Variants in ADAMTSL1 observed in about 807,000 individuals in gnomAD.
ADAMTSL1 encodes ADAMTS-like protein 1.
A neutral mutation model predicts 201.8 loss-of-function variants in ADAMTSL1; 126 were observed. The ratio of observed to expected loss-of-function variants is 0.62; its 90% confidence interval spans 0.54 to 0.72. The LOEUF is 0.72. ADAMTSL1 is among the 30% of genes least tolerant of loss of function. The probability of loss-of-function intolerance (pLI) is 0.00; values close to 1 mark genes in which losing one functional copy is unlikely to be tolerated. For missense variants in ADAMTSL1, 2,679 were observed against 2,277.8 expected, an observed-to-expected ratio of 1.18 and a Z score of -3.59; for synonymous variants, 1,121 against 903.4, an observed-to-expected ratio of 1.24 and a Z score of -4.32.
chr9:18,440,500 T>C (rs1167696435), intron 2 of ADAMTSL1, among the ~76,000 whole-genome samples: 1 of 151,808 alleles, frequency 6.6e-6, no homozygotes, highest in African/African-American at 2.4e-5. Context: ...ATGCTGTAAT[T>C]GGCCTAACAG....
chr9:18,548,837 G>A lies in ADAMTSL1; in HGVS notation c.237+15545G>A, dbSNP rs150650793. 1.2e-4 allele frequency among the ~76,000 whole-genome samples: 19 copies of A among 152,030 alleles called. No homozygotes were observed. In the East Asian group the frequency reaches 3.3e-3, roughly 26 times the overall value. Reference sequence around the variant, plus strand: ...GAAGAAAATAAATTATTAGAAATTTGCAATTCAAAAATCTAGTAATTGAAA... The same window carrying A: ...GAAGAAAATAAATTATTAGAAATTTACAATTCAAAAATCTAGTAATTGAAA... On this transcript the variant is annotated intron_variant, in intron 3 of 28. Transcript: ENST00000380548.
At chr9:17,950,085 A>AT (rs1197787169) in intron 1 of ADAMTSL1, among the ~76,000 whole-genome samples, 1 of 151,858 alleles carries the variant, frequency 6.6e-6, no homozygotes, top group Admixed American at 6.6e-5. Flanking sequence ...CTGCCAGCTT[A>AT]TTTTTTGTAT....
At chr9:18,018,112 A>G (rs1254734541) in intron 1 of ADAMTSL1, among the ~76,000 whole-genome samples, 1 of 152,104 alleles carries the variant, frequency 6.6e-6, no homozygotes, top group Non-Finnish European at 1.5e-5. Context: ...AGAAAAATAT[A>G]CAACAGAGAT....
Position 18,496,406 on chromosome 9 carries a change from G to A in ADAMTSL1, c.64-8423G>A, listed in dbSNP as rs529263342. ...ATCTGGATGGTATTTAAGAGAGAAC[G>A]CATCCAATCATGAGTATAGGAATAG... On this transcript the variant is annotated intron_variant, in intron 1 of 28. Transcript: ENST00000380548. Among the ~76,000 whole-genome samples the A allele has an allele frequency of 2.0e-3, 298 of 152,286 alleles. 2 individuals carry two copies. The highest frequency in any genetic ancestry group is 6.7e-3 in the African/African-American group (279 of 41,558).
chr9:18,775,558 G>C (rs1376377976), intron 17 of ADAMTSL1, among the ~76,000 whole-genome samples, 185 bp from the exon 18 acceptor site: 3 of 152,298 alleles, frequency 2.0e-5, no homozygotes, highest in Non-Finnish European at 2.9e-5. Context: ...GAAAATCTTA[G>C]AGTGCAAAAT....
At chr9:18,647,868 T>C (rs1827923221) in intron 7 of ADAMTSL1, among the ~76,000 whole-genome samples, 1 of 151,330 alleles carries the variant, frequency 6.6e-6, no homozygotes, top group Non-Finnish European at 1.5e-5. Flanking sequence ...ATTCTGTTGA[T>C]TTGGGGTGGA....
chr9:18,172,984 A>G (rs1226619979), intron 2 of ADAMTSL1, among the ~76,000 whole-genome samples: 1 of 152,154 alleles, frequency 6.6e-6, no homozygotes, highest in Non-Finnish European at 1.5e-5. Context: ...CTCTTTAGGC[A>G]GAGGAGGACA....
At chr9:18,256,688 G>A (rs990356897) in intron 2 of ADAMTSL1, among the ~76,000 whole-genome samples, 10 of 152,178 alleles carry the variant, frequency 6.6e-5, no homozygotes, top group African/African-American at 2.2e-4. Context: ...ACTAGCCTCA[G>A]GAAGTTTTGC....
At chr9:18,650,182 G>A (rs1425471737) in intron 7 of ADAMTSL1, among the ~76,000 whole-genome samples, 2 of 152,190 alleles carry the variant, frequency 1.3e-5, no homozygotes, top group African/African-American at 4.8e-5. Flanking sequence ...CGTGGGCGTG[G>A]GACCCTCTGA....
At chr9:18,715,689 C>A (rs1401457276) in intron 14 of ADAMTSL1, among the ~76,000 whole-genome samples, 1 of 151,954 alleles carries the variant, frequency 6.6e-6, no homozygotes, top group Non-Finnish European at 1.5e-5. Context: ...TCAATGCCAT[C>A]CCCATCAAGC....
At chr9:18,271,335 C>A (rs1388180621) in intron 2 of ADAMTSL1, among the ~76,000 whole-genome samples, 2 of 152,050 alleles carry the variant, frequency 1.3e-5, no homozygotes, top group Admixed American at 6.6e-5. Context: ...TCCCCACTCC[C>A]CCCACCCCAC....
chr9:18,022,126 C>A (rs571542834), intron 1 of ADAMTSL1, among the ~76,000 whole-genome samples: 1 of 152,212 alleles, frequency 6.6e-6, no homozygotes, highest in South Asian at 2.1e-4. Flanking sequence ...AAACCACCCA[C>A]CTTGCACTGA....
chr9:18,598,051 CTT>C (rs2132518855), intron 4 of ADAMTSL1, among the ~76,000 whole-genome samples: 1 of 152,216 alleles, frequency 6.6e-6, no homozygotes, highest in Admixed American at 6.5e-5. Flanking sequence ...CAAGAGAACA[CTT>C]AAGATTCTGA....
chr9:18,098,426 T>C (rs1824349506), intron 1 of ADAMTSL1, among the ~76,000 whole-genome samples: 1 of 152,098 alleles, frequency 6.6e-6, no homozygotes, highest in Non-Finnish European at 1.5e-5. Flanking sequence ...CTTTGCATTG[T>C]TTTGTAGTAT....
chr9:18,730,067 C>G (rs1818122675), intron 15 of ADAMTSL1, among the ~76,000 whole-genome samples: 1 of 151,884 alleles, frequency 6.6e-6, no homozygotes, highest in African/African-American at 2.4e-5. Context: ...TCCTTACAAT[C>G]TAGTGTTTCC....
Position 18,780,927 on chromosome 9 carries a change from G to A in ADAMTSL1, c.3677+3021G>A, listed in dbSNP as rs200530351. On this transcript the variant is annotated intron_variant, in intron 19 of 28. Coordinates refer to ENST00000380548, the MANE Select transcript of ADAMTSL1 (RefSeq NM_001040272.6). ...TACTCTTTTAAGCATTCCAATGTGT[G>A]TTGTGACTTTCCAAGTGGACAATAT... Among the ~76,000 whole-genome samples, 44 of 152,252 alleles carry A rather than the reference G, an allele frequency of 2.9e-4. No homozygotes were observed. The East Asian group carries it at 5.8e-3, about 20-fold the overall frequency.
chr9:18,904,633 CAAAAAAAAAAAAAA>C (rs71333072), intron 26 of ADAMTSL1, among the ~76,000 whole-genome samples: 3,027 of 14,800 alleles, frequency 0.2, 475 homozygotes, highest in African/African-American at 0.45. Flanking sequence ...GACCCTGCCT[CAAAAAAAAAAAAAA>C]AAAAAAAAAA....
intron 2 of ADAMTSL1, among the ~76,000 whole-genome samples, chr9:18,245,391 G>A (rs939841432): frequency 6.6e-6 from 1 of 152,064 alleles, no homozygotes; most frequent in African/African-American, 2.4e-5. Context: ...TTCACTTACA[G>A]CATACGTCAG....
chr9:18,073,648 T>C (rs765483633), intron 1 of ADAMTSL1, among the ~76,000 whole-genome samples: 6 of 152,198 alleles, frequency 3.9e-5, no homozygotes, highest in Non-Finnish European at 8.8e-5. Flanking sequence ...TATATCATGT[T>C]ATTGACATTT....
Sources: gnomAD v4.1 joint callset for allele counts (sites outside exome capture counted in the v4.1 genomes callset) on GRCh38, gnomAD v4.1.1 for gene constraint, MANE v1.5 for transcripts, NCBI Gene and HGNC (gene_info 2026-07-23, HGNC 2026-07-21) for gene names.